Variants in INPP4B observed in about 807,000 individuals in gnomAD.
INPP4B encodes the protein inositol polyphosphate 4-phosphatase type II.
In INPP4B, 55 loss-of-function variants were observed where a neutral mutation model predicts 122.5. The observed-to-expected ratio is 0.45, with a 90% CI of 0.36 to 0.56. The LOEUF is 0.56. Ranked by LOEUF, INPP4B falls within the 20% of genes least tolerant of loss-of-function variation. The probability of loss-of-function intolerance (pLI) is 0.00; values close to 1 mark genes in which losing one functional copy is unlikely to be tolerated. For synonymous variants in INPP4B, 403 were observed against 388.7 expected (o/e 1.04, Z -0.43); for missense variants, 1,000 against 1,097.7 (o/e 0.91, Z 1.26).
intron 11 of INPP4B, among the ~76,000 whole-genome samples, chr4:142,250,206 C>G (rs745795057): frequency 4.6e-5 from 7 of 152,202 alleles, no homozygotes; most frequent in Non-Finnish European, 8.8e-5. Flanking sequence ...TCACCAGATT[C>G]CCAACATACA....
chr4:142,770,642 A>G (rs903900853), intron 1 of INPP4B, among the ~76,000 whole-genome samples: 2 of 152,148 alleles, frequency 1.3e-5, no homozygotes, highest in Non-Finnish European at 2.9e-5. Context: ...AGGTTTTAAT[A>G]GGAATTTAAG....
chr4:142,794,029 G>C (rs1445624133), intron 1 of INPP4B, among the ~76,000 whole-genome samples: 4 of 151,914 alleles, frequency 2.6e-5, no homozygotes, highest in Non-Finnish European at 4.4e-5. Context: ...GAATCAATGG[G>C]TTATTTTTGG....
intron 1 of INPP4B, among the ~76,000 whole-genome samples, chr4:142,745,422 GT>G (rs1322014260): frequency 1.3e-5 from 2 of 151,756 alleles, no homozygotes; most frequent in African/African-American, 4.8e-5. Flanking sequence ...TTGCCTACTT[GT>G]TTCGTAAATA....
intron 15 of INPP4B, among the ~76,000 whole-genome samples, chr4:142,179,867 C>G (rs1318254009): frequency 6.6e-6 from 1 of 152,120 alleles, no homozygotes; most frequent in African/African-American, 2.4e-5. Flanking sequence ...TGCCACCTTC[C>G]AAGGTCTAGT....
At chr4:142,113,689 C>T (rs1032924232) in intron 21 of INPP4B, among the ~76,000 whole-genome samples, 1 of 151,852 alleles carries the variant, frequency 6.6e-6, no homozygotes, top group Non-Finnish European at 1.5e-5. Flanking sequence ...GCTCTCAATG[C>T]CATTTACAAT....
chr4:142,308,041 AT>A (rs759545441), intron 8 of INPP4B, among the ~76,000 whole-genome samples: 2 of 152,188 alleles, frequency 1.3e-5, no homozygotes, highest in Non-Finnish European at 2.9e-5. Context: ...ACCGCAAGTC[AT>A]TGAATGTTTC....
chr4:142,842,410 C>T (rs555553714), intron 1 of INPP4B, among the ~76,000 whole-genome samples: 2 of 150,076 alleles, frequency 1.3e-5, no homozygotes, highest in African/African-American at 4.9e-5. Context: ...AAAGTTCTGG[C>T]TCCTAGATAT....
chr4:142,576,083 T>C (rs748938349), intron 2 of INPP4B, among the ~76,000 whole-genome samples: 1 of 152,060 alleles, frequency 6.6e-6, no homozygotes, highest in Non-Finnish European at 1.5e-5. Flanking sequence ...GTAACACAGC[T>C]GCATTTCCAC....
At chr4:142,739,731 T>C (rs1767624399) in intron 1 of INPP4B, among the ~76,000 whole-genome samples, 2 of 151,916 alleles carry the variant, frequency 1.3e-5, no homozygotes, top group African/African-American at 2.4e-5. Flanking sequence ...ACTCATTAGG[T>C]CATTGGATTA....
chr4:142,208,302 C>A lies in INPP4B; in HGVS notation c.1072+123G>T. Reference sequence around the variant, plus strand: ...CAGAATTTAGGGTCATTATGAGGTTCAACTGTTTCATTTTCAACTTTATAT... The same window carrying A: ...CAGAATTTAGGGTCATTATGAGGTTAAACTGTTTCATTTTCAACTTTATAT... On this transcript the variant is annotated intron_variant, in intron 14 of 25. Transcript: ENST00000262992. The A allele has an allele frequency of 8.6e-6, 4 of 465,016 alleles. No individual in the cohort carries two copies. In the South Asian group the frequency reaches 2.1e-4, roughly 24 times the overall value. 28.8% of individuals were successfully genotyped at this position (465,016 alleles called of 1,614,324 possible). A position where few individuals can be genotyped will look rare whatever the true frequency, so the allele number is the denominator to read the frequency against.
chr4:142,318,304 G>A (rs2151378456), intron 7 of INPP4B, among the ~76,000 whole-genome samples: 1 of 152,224 alleles, frequency 6.6e-6, no homozygotes, highest in African/African-American at 2.4e-5. Flanking sequence ...GGAGGACCAT[G>A]AGACAGGGAG....
intron 23 of INPP4B, among the ~76,000 whole-genome samples, chr4:142,089,972 A>T (rs926417220): frequency 6.6e-6 from 1 of 152,176 alleles, no homozygotes; most frequent in Non-Finnish European, 1.5e-5. Flanking sequence ...AATTTCTCCC[A>T]AATCTCTGCT....
chr4:142,214,950 C>T (rs1342214670), intron 12 of INPP4B, among the ~76,000 whole-genome samples: 22 of 152,196 alleles, frequency 1.4e-4, no homozygotes, highest in Non-Finnish European at 2.9e-4. Flanking sequence ...TATTTGTCAT[C>T]GTACCACAAT....
intron 18 of INPP4B, among the ~76,000 whole-genome samples, chr4:142,142,377 C>T (rs1317329184): frequency 6.6e-6 from 1 of 151,998 alleles, no homozygotes; most frequent in African/African-American, 2.4e-5. Flanking sequence ...CAGAAGGTTG[C>T]TTTTAGATCC....
At position 142,222,494 on chromosome 4, in the gene INPP4B, T is replaced by C. The variant is rs575973393; in HGVS notation, c.837-13468A>G. On this transcript the variant is annotated intron_variant, in intron 12 of 25. Transcript: ENST00000262992. ...CTAACTTGTTTTTCCCTCTACACTT[T>C]TGTCCCATTTTCTAAATGTAATCAT... Among the ~76,000 whole-genome samples the C allele has an allele frequency of 7.0e-4, 107 of 152,360 alleles. No homozygotes were observed. The South Asian group carries it at 0.018, about 26-fold the overall frequency.
intron 2 of INPP4B, among the ~76,000 whole-genome samples, chr4:142,537,421 TATATATATAGAG>T (rs1426654462): frequency 1.2e-3 from 62 of 52,872 alleles, no homozygotes; most frequent in East Asian, 4.6e-3. Context: ...TATATATATA[TATATATATAGAG>T]AGAGAGAGAG....
chr4:142,363,366 C>T (rs1786208123), intron 7 of INPP4B, among the ~76,000 whole-genome samples: 1 of 151,688 alleles, frequency 6.6e-6, no homozygotes. Flanking sequence ...TGTGTGTATA[C>T]ACATGCCAAA....
At chr4:142,110,166 GTAAT>G (rs1789290725) in intron 22 of INPP4B, among the ~76,000 whole-genome samples, 1 of 152,098 alleles carries the variant, frequency 6.6e-6, no homozygotes, top group Non-Finnish European at 1.5e-5. Context: ...CCTCTAAGGG[GTAAT>G]TAAAGTTAAA....
At chr4:142,791,517 G>A (rs755731702) in intron 1 of INPP4B, among the ~76,000 whole-genome samples, 2 of 152,060 alleles carry the variant, frequency 1.3e-5, no homozygotes, top group African/African-American at 2.4e-5. Flanking sequence ...TTAGAATGAC[G>A]CAGTTTATTT....
Sources: gnomAD v4.1 joint callset for allele counts (sites outside exome capture counted in the v4.1 genomes callset) on GRCh38, gnomAD v4.1.1 for gene constraint, MANE v1.5 for transcripts, NCBI Gene and HGNC (gene_info 2026-07-23, HGNC 2026-07-21) for gene names.